UNKL: variants seen among roughly 807,000 people sequenced by gnomAD.
UNKL encodes putative E3 ubiquitin-protein ligase UNKL.
In UNKL, 60 loss-of-function variants were observed where a neutral mutation model predicts 78.0. That is an observed-to-expected ratio of 0.77 (90% CI 0.63 to 0.95). The LOEUF is 0.95. Among genes scored for constraint, UNKL ranks in the 40% least tolerant of loss-of-function variants. The pLI, the probability that UNKL is intolerant of heterozygous loss-of-function variation, is 0.00. For missense variants in UNKL, 1,159 were observed against 1,045.7 expected (o/e 1.11, Z -1.49); for synonymous variants, 608 against 474.8 (o/e 1.28, Z -3.65).
At chr16:1,410,323 C>T (rs2037981335) in intron 2 of UNKL, among the ~76,000 whole-genome samples, 1 of 150,110 alleles carries the variant, frequency 6.7e-6, no homozygotes, top group East Asian at 2.0e-4. Context: ...AAAAGCATCA[C>T]CTGGCCAGGC....
At chr16:1,367,380 C>A in intron 13 of UNKL, 31 bp from the exon 14 acceptor site, 3 of 1,518,262 alleles carry the variant, frequency 2.0e-6, no homozygotes, top group Non-Finnish European at 2.6e-6. Context: ...CAGCACCCCC[C>A]ACCTCACCTG....
chr16:1,386,529 A>G (rs2036818845), intron 9 of UNKL, among the ~76,000 whole-genome samples: 1 of 152,200 alleles, frequency 6.6e-6, no homozygotes, highest in Non-Finnish European at 1.5e-5. Flanking sequence ...ACTGCAGCCC[A>G]GGCAACAGAG....
At chr16:1,382,825 G>A (rs915488362) in intron 10 of UNKL, among the ~76,000 whole-genome samples, 2 of 152,064 alleles carry the variant, frequency 1.3e-5, no homozygotes, top group Non-Finnish European at 1.5e-5. Flanking sequence ...AGGTGTGGTG[G>A]CAGGCGCCTA....
Position 1,401,206 on chromosome 16 carries a change from G to A in UNKL, c.598+362C>T, listed in dbSNP as rs563847413. ...TCCTGGTGGGTGCCTGGTGGGCTGG[G>A]GGCTCTGCTGAGCATCCTGGTGGGT... On this transcript the variant is annotated intron_variant, in intron 4 of 14. Transcript: ENST00000389221. 8.8e-4 allele frequency: 168 copies of A among 190,306 alleles called. 1 individual carries two copies. Among genetic ancestry groups the A allele is most frequent in the African/African-American group, 3.6e-3 (153 of 42,824 alleles). The allele number at this position is 190,306 out of a possible 1,614,324, so 11.8% of individuals were successfully genotyped here.
chr16:1,408,879 G>C, intron 2 of UNKL: 1 of 152,078 alleles, frequency 6.6e-6, no homozygotes. Context: ...ACACATTCAT[G>C]TGTAAAATAA....
chr16:1,386,970 C>T lies in UNKL; in HGVS notation c.1087-1585G>A, dbSNP rs573633910. 1.1e-3 allele frequency among the ~76,000 whole-genome samples: 171 copies of T among 152,328 alleles called. 1 individual carries two copies. The highest frequency in any genetic ancestry group is 3.8e-3 in the African/African-American group (158 of 41,582). The stretch of plus-strand genomic sequence containing the variant: ...CCCTCGTCCATAATCCACTTCCTCT[C>T]CCTGGCCCAGAGACCACTTTTCCTC... On this transcript the variant is annotated intron_variant, in intron 9 of 14. Coordinates refer to ENST00000389221, the MANE Select transcript of UNKL (RefSeq NM_001372107.1).
At chr16:1,386,911 G>A (rs556191144) in intron 9 of UNKL, among the ~76,000 whole-genome samples, 1 of 152,158 alleles carries the variant, frequency 6.6e-6, no homozygotes, top group African/African-American at 2.4e-5. Context: ...ACAGCCACCA[G>A]AGCTCCCTGC....
intron 10 of UNKL, among the ~76,000 whole-genome samples, chr16:1,383,070 C>T (rs1490075168): frequency 1.7e-5 from 2 of 117,372 alleles, no homozygotes; most frequent in African/African-American, 6.6e-5. Flanking sequence ...CCAGGCTGGC[C>T]AATATGGTAA....
At chr16:1,366,908 G>GGGAAAGGCGGCTCCCAGGA (rs2035312640) in intron 14 of UNKL, among the ~76,000 whole-genome samples, 184 bp downstream of exon 14, 1 of 152,272 alleles carries the variant, frequency 6.6e-6, no homozygotes, top group East Asian at 1.9e-4. Flanking sequence ...GGCTCCCAGG[G>GGGAAAGGCGGCTCCCAGGA]AGACAGGCAA....
chr16:1,369,877 A>G, intron 12 of UNKL: 20 of 1,435,692 alleles, frequency 1.4e-5, no homozygotes, highest in Non-Finnish European at 1.9e-5. Context: ...TGGGTGGCTG[A>G]GGCAGGAGAA....
chr16:1,405,627 C>T (rs910971912), intron 2 of UNKL, among the ~76,000 whole-genome samples: 3 of 151,762 alleles, frequency 2.0e-5, no homozygotes, highest in Non-Finnish European at 4.4e-5. Flanking sequence ...CTTACTCTTA[C>T]GGACACCTAG....
chr16:1,403,553 C>T lies in UNKL; in HGVS notation c.288-209G>A, dbSNP rs1241726131. 3.3e-5 allele frequency among the ~76,000 whole-genome samples: 5 copies of T among 152,288 alleles called. No individual in the cohort carries two copies. The highest frequency in any genetic ancestry group is 5.9e-5 in the Non-Finnish European group (4 of 68,032). ...CCCAGGTACACAGACCACCGCAAAC[C>T]CCCAGTCAACCAGTCAAACACAGTA... On this transcript the variant is annotated intron_variant, in intron 2 of 14. Coordinates refer to ENST00000389221, the MANE Select transcript of UNKL (RefSeq NM_001372107.1). This position sits in a 1 kb window ranked among gnomAD's most constrained non-coding sequence, Gnocchi z 4.8.
At chr16:1,407,120 G>A (rs1426546800) in intron 2 of UNKL, 1 of 150,732 alleles carries the variant, frequency 6.6e-6, no homozygotes, top group African/African-American at 2.5e-5. Context: ...CTGCACTCCA[G>A]CCTGGGTGAC....
At chr16:1,388,634 G>A (rs1019132353) in intron 9 of UNKL, among the ~76,000 whole-genome samples, 8 of 152,210 alleles carry the variant, frequency 5.3e-5, no homozygotes, top group Admixed American at 2.0e-4. Flanking sequence ...AATGGCCACA[G>A]ATGACGGGCC....
At position 1,394,153 on chromosome 16, in the gene UNKL, G is replaced by A. The variant is rs1201437524; in HGVS notation, c.915C>T (p.Phe305=). 4 of 1,550,646 alleles carry A rather than the reference G, an allele frequency of 2.6e-6. No homozygotes were observed. In the African/African-American group the frequency reaches 5.5e-5, roughly 21 times the overall value. ...CACTCTCAACGTGTGCAAAGGCACA[G>A]AAGGGGCCGCGCGGGCAGTACCCGG... The part of the protein sequence containing the change: ...RQTGYCPRGP[F]CAFAHVEKSL... The change falls in exon 7 of 15, where the codon TTC becomes TTT. Residue 305 remains phenylalanine (F), a synonymous_variant. Coordinates refer to ENST00000389221, the MANE Select transcript of UNKL (RefSeq NM_001372107.1).
Position 1,385,305 on chromosome 16 carries a change from G to A in UNKL, c.1167C>T (p.Ser389=), listed in dbSNP as rs1460423505. ...TGGGGGAGGAGCTGCCGGAGCCGGC[G>A]CTGGACGCCAGGCTGGACGCCACGC... ...SSSVASSLAS[S]AGSGSSSPTA... The change falls in exon 10 of 15, where the codon AGC becomes AGT. Residue 389 remains serine, a synonymous_variant. Transcript: ENST00000389221. 5.7e-6 allele frequency: 8 copies of A among 1,393,754 alleles called. No homozygotes were observed. The highest frequency in any genetic ancestry group is 1.5e-5 in the African/African-American group (1 of 66,100). 86.3% of individuals were successfully genotyped at this position (1,393,754 alleles called of 1,614,324 possible). A position where few individuals can be genotyped will look rare whatever the true frequency, so the allele number is the denominator to read the frequency against.
In UNKL at chr16:1,387,628, C is replaced by T. The variant is rs115329601; in HGVS notation, c.1087-2243G>A. ...CCAGCAAGGGGTGAGTGACGTGGGGCGGTCTGCTGAGCTCACCGCATCCAG... is the reference window on the plus strand; with the variant it reads ...CCAGCAAGGGGTGAGTGACGTGGGGTGGTCTGCTGAGCTCACCGCATCCAG... On this transcript the variant is annotated intron_variant, in intron 9 of 14. Transcript: ENST00000389221. This position sits in a 1 kb window ranked among gnomAD's most constrained non-coding sequence, Gnocchi z 4.1. 0.032 allele frequency among the ~76,000 whole-genome samples: 4,851 copies of T among 152,224 alleles called. 122 individuals carry two copies. The highest frequency in any genetic ancestry group is 0.076 in the South Asian group (365 of 4,822).
intron 10 of UNKL, chr16:1,379,404 T>A (rs1596691222): frequency 1.2e-5 from 11 of 913,206 alleles, no homozygotes; most frequent in Non-Finnish European, 1.4e-5. Context: ...GAGCCCGCGC[T>A]GGGAAGCGGC....
rs1465240471 is a variant in UNKL, at chr16:1,403,081, AGGC to A, written c.464+84_464+86del. ...GCCAGCAGAGCCTGCAGCAGCAGGG[AGGC>A]GAGCCACTTGCCGAGTTCCTGCTCA... On this transcript the variant is annotated intron_variant, in intron 3 of 14. Coordinates refer to ENST00000389221, the MANE Select transcript of UNKL (RefSeq NM_001372107.1). The surrounding 1 kb of genome is among the most constrained non-coding windows in gnomAD (Gnocchi z 4.8). The A allele has an allele frequency of 1.0e-5, 15 of 1,432,922 alleles. No homozygotes were observed. In the East Asian group the frequency reaches 3.5e-4, roughly 33 times the overall value. The allele number at this position is 1,432,922 out of a possible 1,614,324, so 88.8% of individuals were successfully genotyped here. A position where few individuals can be genotyped will look rare whatever the true frequency, so the allele number is the denominator to read the frequency against.
Sources: allele counts gnomAD v4.1 joint callset (sites outside exome capture counted in the v4.1 genomes callset), GRCh38; gene constraint gnomAD v4.1.1; non-coding constraint Gnocchi (gnomAD v3.1); transcripts MANE v1.5; gene names NCBI Gene and HGNC (gene_info 2026-07-23, HGNC 2026-07-21).